IFT122: variants seen among roughly 807,000 people sequenced by gnomAD.
IFT122 encodes intraflagellar transport protein 122 homolog.
A neutral mutation model predicts 161.6 loss-of-function variants in IFT122; 118 were observed. That is an observed-to-expected ratio of 0.73 (90% confidence interval 0.63 to 0.85). IFT122 has a LOEUF of 0.85. IFT122 is among the 40% of genes least tolerant of loss of function. The pLI, the probability that IFT122 is intolerant of heterozygous loss-of-function variation, is 0.00. For synonymous variants in IFT122, 550 were observed against 602.4 expected, an observed-to-expected ratio of 0.91 and a Z score of 1.27; for missense variants, 1,381 against 1,579.6, an observed-to-expected ratio of 0.87 and a Z score of 2.13.
chr3:129,458,719 T>C, intron 4 of IFT122, 42 bp downstream of exon 4: 3 of 1,397,538 alleles, frequency 2.1e-6, no homozygotes, highest in Non-Finnish European at 3.1e-6. Flanking sequence ...TTGATGCTTA[T>C]TGAATAATTG....
chr3:129,442,482 A>G (rs950439905), intron 1 of IFT122, among the ~76,000 whole-genome samples: 5 of 152,186 alleles, frequency 3.3e-5, no homozygotes, highest in Admixed American at 6.5e-5. Context: ...ACAACCTATT[A>G]GGATAAGGGA....
At chr3:129,501,390 T>G (rs968103452) in intron 19 of IFT122, among the ~76,000 whole-genome samples, 2 of 152,156 alleles carry the variant, frequency 1.3e-5, no homozygotes, top group African/African-American at 4.8e-5. Context: ...ATTGTTTCCT[T>G]GGGTGCTGCC....
intron 16 of IFT122, among the ~76,000 whole-genome samples, chr3:129,491,745 G>A (rs138569201): frequency 5.3e-5 from 8 of 152,260 alleles, no homozygotes; most frequent in African/African-American, 1.7e-4. Context: ...AGATGTATAG[G>A]CAGTCTCTCA....
chr3:129,510,779 A>C (rs771062353), intron 23 of IFT122, among the ~76,000 whole-genome samples: 104 of 152,198 alleles, frequency 6.8e-4, no homozygotes, highest in Admixed American at 1.1e-3. Context: ...GAATCTTATT[A>C]ATTGGGCCAT....
At chr3:129,493,163 T>G (rs1187759572) in intron 17 of IFT122, among the ~76,000 whole-genome samples, 1 of 152,208 alleles carries the variant, frequency 6.6e-6, no homozygotes, top group African/African-American at 2.4e-5. Context: ...GCTGTCTGGC[T>G]GTCTGTTAAA....
intron 1 of IFT122, among the ~76,000 whole-genome samples, chr3:129,447,594 C>T (rs1213850490): frequency 6.6e-6 from 1 of 152,128 alleles, no homozygotes; most frequent in Non-Finnish European, 1.5e-5. Context: ...CTCACTGCAA[C>T]CTCTGTCTCC....
At chr3:129,479,255 CA>C (rs547629384) in intron 12 of IFT122, among the ~76,000 whole-genome samples, 19,021 of 81,432 alleles carry the variant, frequency 0.23, 2,069 homozygotes, top group African/African-American at 0.43. Context: ...CCATCTCCAC[CA>C]AAAAAAAAAA....
intron 19 of IFT122, 99 bp from the exon 20 acceptor site, chr3:129,502,612 G>A: frequency 7.4e-7 from 1 of 1,353,684 alleles, no homozygotes; most frequent in Non-Finnish European, 1.0e-6. Context: ...ATGGGCCATG[G>A]CATAGTATCA....
chr3:129,497,395 A>G (rs1409180043), intron 18 of IFT122, among the ~76,000 whole-genome samples: 1 of 152,234 alleles, frequency 6.6e-6, no homozygotes, highest in African/African-American at 2.4e-5. Context: ...AGATGGTAAT[A>G]GCGACAGCTC....
chr3:129,458,439 A>G (rs2075789269), intron 3 of IFT122, among the ~76,000 whole-genome samples, 160 bp from the exon 4 acceptor site: 1 of 152,212 alleles, frequency 6.6e-6, no homozygotes, highest in Non-Finnish European at 1.5e-5. Context: ...TGGAACCCAA[A>G]TATTCTGACT....
chr3:129,500,099 T>C (rs774922049), intron 19 of IFT122, 31 bp downstream of exon 19: 1 of 1,612,984 alleles, frequency 6.2e-7, no homozygotes, highest in African/African-American at 1.3e-5. Flanking sequence ...CGAGAAGCAT[T>C]TGGCAGCATG....
At chr3:129,520,028 C>T in intron 29 of IFT122, 148 bp from the exon 30 acceptor site, 1 of 736,712 alleles carries the variant, frequency 1.4e-6, no homozygotes, top group Non-Finnish European at 2.4e-6. Context: ...TCTCCCCTTC[C>T]AGCCCTCAAA....
At chr3:129,508,899 G>A (rs776058322) in intron 23 of IFT122, among the ~76,000 whole-genome samples, 3 of 152,198 alleles carry the variant, frequency 2.0e-5, no homozygotes, top group Non-Finnish European at 2.9e-5. Flanking sequence ...AGTGCCAGCT[G>A]CAGGTGTTGC....
chr3:129,507,150 C>G lies in IFT122; in HGVS notation c.2792-518C>G, dbSNP rs2082272004. On this transcript the variant is annotated intron_variant, in intron 22 of 29. Transcript: ENST00000348417. Reference sequence around the variant, plus strand: ...ATCTGTCCTGTGGGAGTCCCTTGTCCTGGTCCCTTTGGTTGCTGGGAGCCT... The same window carrying G: ...ATCTGTCCTGTGGGAGTCCCTTGTCGTGGTCCCTTTGGTTGCTGGGAGCCT... 2.0e-5 allele frequency among the ~76,000 whole-genome samples: 3 copies of G among 152,292 alleles called. No individual in the cohort carries two copies. The East Asian group carries it at 5.8e-4, about 29-fold the overall frequency.
intron 5 of IFT122, chr3:129,461,546 G>A: frequency 1.9e-6 from 1 of 535,348 alleles, no homozygotes; most frequent in Admixed American, 3.0e-5. Flanking sequence ...AAAGGAAATG[G>A]TAACAAGATT....
chr3:129,448,037 T>C (rs967083983), intron 1 of IFT122, among the ~76,000 whole-genome samples: 1 of 152,220 alleles, frequency 6.6e-6, no homozygotes, highest in Admixed American at 6.5e-5. Flanking sequence ...TTGTTTTATT[T>C]TCTTTGCCTG....
intron 2 of IFT122, among the ~76,000 whole-genome samples, chr3:129,451,137 T>G (rs1288032384): frequency 1.3e-5 from 2 of 152,132 alleles, no homozygotes; most frequent in African/African-American, 4.8e-5. Context: ...TGTGCTCTGT[T>G]GCCCAAGCTG....
chr3:129,518,259 C>T (rs2084262759), intron 27 of IFT122, among the ~76,000 whole-genome samples: 1 of 152,242 alleles, frequency 6.6e-6, no homozygotes, highest in Non-Finnish European at 1.5e-5. Flanking sequence ...CCCCGGGGCA[C>T]AGCTCAGCCT....
intron 9 of IFT122, among the ~76,000 whole-genome samples, chr3:129,473,703 T>G (rs911825154): frequency 2.6e-5 from 4 of 152,236 alleles, no homozygotes; most frequent in African/African-American, 9.6e-5. Flanking sequence ...TTCTCTTTTC[T>G]GGGATTTCCC....
Sources: allele counts gnomAD v4.1 joint callset (sites outside exome capture counted in the v4.1 genomes callset), GRCh38; gene constraint gnomAD v4.1.1; transcripts MANE v1.5; gene names NCBI Gene and HGNC (gene_info 2026-07-23, HGNC 2026-07-21).